WHRN: variants seen among roughly 807,000 people sequenced by gnomAD.
WHRN encodes the protein whirlin, also known as CASK-interacting protein CIP98.
In WHRN, 41 loss-of-function variants were observed where a neutral mutation model predicts 68.3. The ratio of observed to expected loss-of-function variants is 0.60; its 90% CI spans 0.47 to 0.78. WHRN has a LOEUF of 0.78. WHRN is among the 30% of genes least tolerant of loss of function. The pLI is 0.00. For missense variants in WHRN, 1,243 were observed against 1,244.7 expected, an observed-to-expected ratio of 1.00 and a Z score of 0.02; for synonymous variants, 560 against 561.3, an observed-to-expected ratio of 1.00 and a Z score of 0.03.
intron 3 of WHRN, among the ~76,000 whole-genome samples, chr9:114,464,725 G>A (rs1389768025): frequency 6.6e-6 from 1 of 151,988 alleles, no homozygotes; most frequent in East Asian, 1.9e-4. Flanking sequence ...TATAGTAAAG[G>A]GAAGCAAGGT....
At chr9:114,457,641 C>T (rs1339161218) in intron 3 of WHRN, among the ~76,000 whole-genome samples, 1 of 152,162 alleles carries the variant, frequency 6.6e-6, no homozygotes, top group Admixed American at 6.5e-5. Flanking sequence ...GTTGGCCAGG[C>T]GCGGGGGCTC....
chr9:114,434,325 T>C (rs566544932), intron 3 of WHRN, among the ~76,000 whole-genome samples: 2 of 152,316 alleles, frequency 1.3e-5, no homozygotes, highest in East Asian at 3.9e-4. Flanking sequence ...GCCAAACCAA[T>C]TGCTATTCTG....
intron 2 of WHRN, among the ~76,000 whole-genome samples, chr9:114,472,239 C>T (rs988455606): frequency 3.3e-5 from 5 of 152,196 alleles, no homozygotes; most frequent in Admixed American, 6.5e-5. Flanking sequence ...TGCACCTGGT[C>T]CCTCCTCTGC....
intron 1 of WHRN, among the ~76,000 whole-genome samples, chr9:114,487,823 C>G (rs993777148): frequency 6.6e-6 from 1 of 152,214 alleles, no homozygotes; most frequent in African/African-American, 2.4e-5. Context: ...ATTCCCCTGA[C>G]AATGTGGACA....
intron 2 of WHRN, among the ~76,000 whole-genome samples, chr9:114,473,746 A>G (rs1209335072): frequency 1.3e-5 from 2 of 152,206 alleles, no homozygotes; most frequent in Non-Finnish European, 2.9e-5. Context: ...TGGAAGCAAT[A>G]GAAGCAGGAG....
intron 7 of WHRN, among the ~76,000 whole-genome samples, chr9:114,419,387 C>T (rs184752756): frequency 9.8e-5 from 15 of 152,348 alleles, no homozygotes; most frequent in Admixed American, 2.0e-4. Flanking sequence ...AAATTATGGG[C>T]TAGGGTCTGT....
intron 3 of WHRN, among the ~76,000 whole-genome samples, chr9:114,445,037 GTTATTA>G (rs566119848): frequency 2.5e-4 from 38 of 150,800 alleles, no homozygotes; most frequent in African/African-American, 9.0e-4. Flanking sequence ...GTTTTTTAAT[GTTATTA>G]TTATTATTAT....
chr9:114,447,417 T>C lies in WHRN; in HGVS notation c.963+18850A>G, dbSNP rs910464187. On this transcript the variant is annotated intron_variant, in intron 3 of 11. Coordinates refer to ENST00000362057, the MANE Select transcript of WHRN (RefSeq NM_015404.4). Reference sequence around the variant, plus strand: ...AGGGTTGCTGTGAGGGTAAAAGGACTGATATATACAAAGTGCCCAGAATAC... The same window carrying C: ...AGGGTTGCTGTGAGGGTAAAAGGACCGATATATACAAAGTGCCCAGAATAC... 1.1e-4 allele frequency among the ~76,000 whole-genome samples: 16 copies of C among 152,152 alleles called. No homozygotes were observed. In the South Asian group the frequency reaches 3.3e-3, roughly 31 times the overall value.
Position 114,402,673 on chromosome 9 carries a change from AAGG to A in WHRN, c.*78_*80del. The A allele has an allele frequency of 6.3e-7, 1 of 1,578,034 alleles. No individual in the cohort carries two copies. The highest frequency in any genetic ancestry group is 1.7e-5 in the Admixed American group (1 of 59,992). ...CCTGGCCATGCAGCCCCAACCCCGC[AAGG>A]AGCTTGATGAAGCCAACGGTGGAAA... On this transcript the variant is annotated 3_prime_UTR_variant, in exon 12 of 12. Coordinates refer to ENST00000362057, the MANE Select transcript of WHRN (RefSeq NM_015404.4).
intron 2 of WHRN, chr9:114,478,285 C>T (rs942886051): frequency 1.0e-5 from 7 of 692,926 alleles, no homozygotes; most frequent in African/African-American, 1.8e-5. Flanking sequence ...GAGACTCTGT[C>T]TCCAAATAGA....
chr9:114,480,703 T>C (rs1281909725), intron 1 of WHRN, among the ~76,000 whole-genome samples: 1 of 152,156 alleles, frequency 6.6e-6, no homozygotes, highest in Non-Finnish European at 1.5e-5. Context: ...ATGATAGAAT[T>C]CACACACACT....
intron 1 of WHRN, among the ~76,000 whole-genome samples, chr9:114,502,461 T>C (rs1844012352): frequency 6.6e-6 from 1 of 152,030 alleles, no homozygotes; most frequent in Non-Finnish European, 1.5e-5. Flanking sequence ...GAGTCACAGT[T>C]TAACAGCACC....
chr9:114,473,010 T>TG (rs1347980121), intron 2 of WHRN, among the ~76,000 whole-genome samples: 1 of 152,190 alleles, frequency 6.6e-6, no homozygotes, highest in East Asian at 1.9e-4. Flanking sequence ...AAGCCCCTGC[T>TG]CCTTGTGTTC....
intron 3 of WHRN, among the ~76,000 whole-genome samples, chr9:114,435,159 C>T (rs1178801032): frequency 2.0e-5 from 3 of 152,244 alleles, no homozygotes; most frequent in Non-Finnish European, 4.4e-5. Context: ...GCAGCACTCA[C>T]TCCCCACAGT....
rs568569754 is a variant in WHRN, at chr9:114,455,320, GT to G, written c.963+10946del. Among the ~76,000 whole-genome samples the G allele has an allele frequency of 1.8e-4, 28 of 152,172 alleles. No homozygotes were observed. The East Asian group carries it at 5.2e-3, about 28-fold the overall frequency. ...TGCAGCCTCTACTTCCAAAGCTCAG[GT>G]GATCCACTTCAGCCTCCCAAGTAGC... On this transcript the variant is annotated intron_variant, in intron 3 of 11. Transcript: ENST00000362057.
chr9:114,456,654 C>T (rs1194256438), intron 3 of WHRN, among the ~76,000 whole-genome samples: 1 of 151,824 alleles, frequency 6.6e-6, no homozygotes, highest in African/African-American at 2.4e-5. Flanking sequence ...ATGAGGAGAC[C>T]CAGTCTTTAC....
intron 4 of WHRN, 60 bp downstream of exon 4, chr9:114,426,151 T>C: frequency 6.2e-7 from 1 of 1,607,930 alleles, no homozygotes. Context: ...GAGGCAGCTA[T>C]CACTGGCTTT....
intron 7 of WHRN, 141 bp from the exon 8 acceptor site, chr9:114,408,159 G>A (rs917785821): frequency 1.2e-5 from 9 of 720,600 alleles, no homozygotes; most frequent in African/African-American, 8.7e-5. Flanking sequence ...TCACTTCATC[G>A]AAATTCACTT....
At chr9:114,412,384 C>T (rs2132255304) in intron 7 of WHRN, among the ~76,000 whole-genome samples, 1 of 152,322 alleles carries the variant, frequency 6.6e-6, no homozygotes, top group Middle Eastern at 3.4e-3. Context: ...GGCCCCCTCC[C>T]CCTGTACCCA....
Sources: allele counts gnomAD v4.1 joint callset (sites outside exome capture counted in the v4.1 genomes callset), GRCh38; gene constraint gnomAD v4.1.1; transcripts MANE v1.5; gene names NCBI Gene and HGNC (gene_info 2026-07-23, HGNC 2026-07-21).